The following CADPS variants were observed in gnomAD, a reference collection of about 807,000 sequenced individuals.
The protein encoded by CADPS is calcium-dependent secretion activator 1.
Under a neutral mutation model 167.3 loss-of-function variants are expected in CADPS, and 57 were observed. The observed-to-expected ratio is 0.34, with a 90% CI of 0.28 to 0.42. The LOEUF is 0.42. CADPS is among the 20% of genes least tolerant of loss of function. The probability of loss-of-function intolerance (pLI) is 1.00; values close to 1 mark genes in which losing one functional copy is unlikely to be tolerated. For missense variants in CADPS, 1,414 were observed against 1,738.1 expected, an observed-to-expected ratio of 0.81 and a Z score of 3.32; for synonymous variants, 676 against 635.3, an observed-to-expected ratio of 1.06 and a Z score of -0.96.
At chr3:62,510,449 C>CAGAATGTGTGACGG (rs1451982275) in intron 17 of CADPS, among the ~76,000 whole-genome samples, 2 of 152,120 alleles carry the variant, frequency 1.3e-5, no homozygotes, top group African/African-American at 4.8e-5. Context: ...TTGCTGGGTT[C>CAGAATGTGTGACGG]AGAATGTGTG....
chr3:62,407,489 G>T (rs1245218417), intron 28 of CADPS, among the ~76,000 whole-genome samples: 1 of 152,130 alleles, frequency 6.6e-6, no homozygotes, highest in Non-Finnish European at 1.5e-5. Flanking sequence ...TGTGGGGTGA[G>T]TTACAGCTTC....
At chr3:62,856,915 T>C (rs1046237959) in intron 1 of CADPS, among the ~76,000 whole-genome samples, 5 of 151,856 alleles carry the variant, frequency 3.3e-5, no homozygotes, top group South Asian at 2.1e-4. Flanking sequence ...TGAGCAGTTT[T>C]ATAATCTTTG....
At chr3:62,854,991 C>T (rs1012379196) in intron 1 of CADPS, among the ~76,000 whole-genome samples, 12 of 151,934 alleles carry the variant, frequency 7.9e-5, no homozygotes, top group African/African-American at 2.9e-4. Context: ...GTGGCATGAT[C>T]TTGGCTCACT....
At chr3:62,725,834 T>C (rs1241063170) in intron 3 of CADPS, among the ~76,000 whole-genome samples, 2 of 151,834 alleles carry the variant, frequency 1.3e-5, no homozygotes, top group African/African-American at 2.4e-5. Flanking sequence ...CATGGCATTC[T>C]ACAGGATCAC....
chr3:62,761,429 C>T (rs775676534), intron 2 of CADPS, among the ~76,000 whole-genome samples: 2 of 151,984 alleles, frequency 1.3e-5, no homozygotes, highest in Non-Finnish European at 1.5e-5. Context: ...CACTCACACA[C>T]CCCAAACAAA....
At chr3:62,721,140 A>ATTTTTTTTTTTTTTTT (rs1564299964) in intron 3 of CADPS, among the ~76,000 whole-genome samples, 66 of 77,584 alleles carry the variant, frequency 8.5e-4, no homozygotes, top group African/African-American at 3.1e-3. Context: ...TTTTTAAAAA[A>ATTTTTTTTTTTTTTTT]AAAAAGAAGA....
At chr3:62,401,213 A>G (rs956398511) in intron 29 of CADPS, among the ~76,000 whole-genome samples, 2 of 152,224 alleles carry the variant, frequency 1.3e-5, no homozygotes, top group African/African-American at 4.8e-5. Context: ...ATATCTACAC[A>G]ATTAACTTAA....
intron 16 of CADPS, among the ~76,000 whole-genome samples, chr3:62,515,725 T>G (rs2068817612): frequency 6.6e-6 from 1 of 152,078 alleles, no homozygotes; most frequent in Non-Finnish European, 1.5e-5. Context: ...AGGGGGCAAT[T>G]CTACAGAACT....
chr3:62,496,213 C>T (rs2064765686), intron 18 of CADPS, among the ~76,000 whole-genome samples: 1 of 152,054 alleles, frequency 6.6e-6, no homozygotes, highest in South Asian at 2.1e-4. Flanking sequence ...ACCTCTTCCA[C>T]TGTACTCCAG....
chr3:62,494,911 C>T (rs980824192), intron 18 of CADPS, among the ~76,000 whole-genome samples: 1 of 152,052 alleles, frequency 6.6e-6, no homozygotes, highest in African/African-American at 2.4e-5. Context: ...GGTCCACCTG[C>T]CTCGGCCTCC....
At chr3:62,519,875 C>T (rs1474448961) in intron 13 of CADPS, among the ~76,000 whole-genome samples, 1 of 152,072 alleles carries the variant, frequency 6.6e-6, no homozygotes, top group South Asian at 2.1e-4. Flanking sequence ...ACATGTGATG[C>T]TTTTGTTTGT....
chr3:62,639,712 C>T lies in CADPS; in HGVS notation c.1325+6010G>A, dbSNP rs376221852. ...TCCCTGGCTTAAACTCCGCCAATAG[C>T]TTCTCCAGGGTCTTGGAATAAAGTT... On this transcript the variant is annotated intron_variant, in intron 6 of 29. Transcript: ENST00000383710. Among the ~76,000 whole-genome samples the T allele has an allele frequency of 6.6e-5, 10 of 152,336 alleles. No individual in the cohort carries two copies. The East Asian group carries it at 1.3e-3, about 21-fold the overall frequency.
chr3:62,508,568 G>A (rs1271712454), intron 17 of CADPS, among the ~76,000 whole-genome samples: 4 of 152,096 alleles, frequency 2.6e-5, no homozygotes, highest in Non-Finnish European at 4.4e-5. Context: ...GAGGCACATC[G>A]TAACATTTCT....
At chr3:62,726,495 T>C (rs13088171) in intron 3 of CADPS, among the ~76,000 whole-genome samples, 2 of 151,810 alleles carry the variant, frequency 1.3e-5, no homozygotes, top group Admixed American at 6.5e-5. Flanking sequence ...ATCAGGTGGA[T>C]TGAGTATCTA....
chr3:62,584,958 T>A (rs907724143), intron 8 of CADPS, among the ~76,000 whole-genome samples: 1 of 152,190 alleles, frequency 6.6e-6, no homozygotes. Flanking sequence ...AGAAACCGTA[T>A]TAGAGAAAGA....
intron 3 of CADPS, among the ~76,000 whole-genome samples, chr3:62,671,687 G>C (rs1055245734): frequency 6.6e-6 from 1 of 152,120 alleles, no homozygotes; most frequent in East Asian, 1.9e-4. Context: ...AGAGATAAAA[G>C]GCAATCCTAA....
rs1476313254 is a variant in CADPS, at chr3:62,446,609, G to A, written c.3637-812C>T. ...AGTGCTTATTTCCGCAGGTTGATAA[G>A]GGTGAATTCACACTTAGCCCCAGGA... On this transcript the variant is annotated intron_variant, in intron 26 of 29. Coordinates refer to ENST00000383710, the MANE Select transcript of CADPS (RefSeq NM_003716.4). This position sits in a 1 kb window ranked among gnomAD's most constrained non-coding sequence, Gnocchi z 4.9. Among the ~76,000 whole-genome samples the A allele has an allele frequency of 3.9e-5, 6 of 152,172 alleles. No homozygotes were observed. The highest frequency in any genetic ancestry group is 8.8e-5 in the Non-Finnish European group (6 of 68,036).
intron 4 of CADPS, among the ~76,000 whole-genome samples, chr3:62,661,791 G>A (rs1453322795): frequency 6.6e-6 from 1 of 152,074 alleles, no homozygotes; most frequent in Non-Finnish European, 1.5e-5. Context: ...TAGTAGGGCT[G>A]GAAAACAGTC....
intron 1 of CADPS, among the ~76,000 whole-genome samples, chr3:62,851,409 G>C (rs1412647922): frequency 7.2e-6 from 1 of 138,800 alleles, no homozygotes; most frequent in African/African-American, 2.7e-5. Context: ...GCAGCGGCTG[G>C]TACTGGTTGT....
Sources: gnomAD v4.1 joint callset for allele counts (sites outside exome capture counted in the v4.1 genomes callset) on GRCh38, gnomAD v4.1.1 for gene constraint, Gnocchi (gnomAD v3.1) non-coding constraint, MANE v1.5 for transcripts, NCBI Gene and HGNC (gene_info 2026-07-23, HGNC 2026-07-21) for gene names.